UBE2E1: variants seen among roughly 807,000 people sequenced by gnomAD.
UBE2E1 encodes ubiquitin conjugating enzyme E2 E1.
In UBE2E1, 6 loss-of-function variants were observed where a neutral mutation model predicts 21.4. That is an observed-to-expected ratio of 0.28 (90% CI 0.15 to 0.55). The LOEUF (loss-of-function observed/expected upper bound fraction) is 0.55, where lower values mean the gene tolerates loss of function less well. Ranked by LOEUF, UBE2E1 falls within the 20% of genes least tolerant of loss-of-function variation. The probability of loss-of-function intolerance (pLI) is 0.93; values close to 1 mark genes in which losing one functional copy is unlikely to be tolerated. For synonymous variants in UBE2E1, 87 were observed against 82.7 expected (o/e 1.05, Z -0.28); for missense variants, 142 against 236.5 (o/e 0.60, Z 2.62).
Position 23,887,368 on chromosome 3 carries a change from A to G in UBE2E1, c.204-199A>G, listed in dbSNP as rs1398696742. Reference sequence around the variant, plus strand: ...TAGGTAGGCTTAGAATGGTTTTAACATTCTTTTATCATCCAGTTTGCTTGA... The same window carrying G: ...TAGGTAGGCTTAGAATGGTTTTAACGTTCTTTTATCATCCAGTTTGCTTGA... On this transcript the variant is annotated intron_variant, in intron 3 of 5. Coordinates refer to ENST00000306627, the MANE Select transcript of UBE2E1 (RefSeq NM_003341.5). This position sits in a 1 kb window ranked among gnomAD's most constrained non-coding sequence, Gnocchi z 4.4. Among the ~76,000 whole-genome samples the G allele has an allele frequency of 6.6e-6, 1 of 152,208 alleles. No homozygotes were observed. The highest frequency in any genetic ancestry group is 2.4e-5 in the African/African-American group (1 of 41,452).
rs564900410 is a variant in UBE2E1, at chr3:23,831,946, T to TGCCTCC, written c.203+20449_203+20454dup. 5.4e-3 allele frequency among the ~76,000 whole-genome samples: 829 copies of TGCCTCC among 152,306 alleles called. 7 individuals are homozygous for TGCCTCC. Among genetic ancestry groups the TGCCTCC allele is most frequent in the African/African-American group, 0.019 (806 of 41,556 alleles). Reference sequence around the variant, plus strand: ...CCTGACTGAGCTCAGGTGATTCGCCTGCCTCCGCCTCCGCCTCCCAAAGTG... The same window carrying TGCCTCC: ...CCTGACTGAGCTCAGGTGATTCGCCTGCCTCCGCCTCCGCCTCCGCCTCCCAAAGTG... On this transcript the variant is annotated intron_variant, in intron 3 of 5. Coordinates refer to ENST00000306627, the MANE Select transcript of UBE2E1 (RefSeq NM_003341.5).
At chr3:23,885,454 A>AT (rs1441216750) in intron 3 of UBE2E1, among the ~76,000 whole-genome samples, 1 of 152,232 alleles carries the variant, frequency 6.6e-6, no homozygotes, top group African/African-American at 2.4e-5. Flanking sequence ...GAGAGGGCTG[A>AT]TTAAGAGCTC....
At chr3:23,872,337 C>T (rs540978207) in intron 3 of UBE2E1, among the ~76,000 whole-genome samples, 7 of 148,680 alleles carry the variant, frequency 4.7e-5, no homozygotes, top group Non-Finnish European at 7.4e-5. Flanking sequence ...AGTCCAGCTT[C>T]GGCTCGGCAT....
intron 3 of UBE2E1, among the ~76,000 whole-genome samples, chr3:23,885,095 T>G (rs1166941015): frequency 3.3e-5 from 5 of 152,224 alleles, no homozygotes; most frequent in Admixed American, 3.3e-4. Context: ...GAGATCAAGG[T>G]GCTGGCAGCT....
chr3:23,878,661 TTGTGAACTGCTCA>T (rs1700972787), intron 3 of UBE2E1, among the ~76,000 whole-genome samples: 3 of 152,194 alleles, frequency 2.0e-5, no homozygotes, highest in African/African-American at 4.8e-5. Flanking sequence ...GCAAACCCTA[TTGTGAACTGCTCA>T]TGTGAGGGAT....
At chr3:23,826,214 T>C (rs964185348) in intron 3 of UBE2E1, among the ~76,000 whole-genome samples, 2 of 152,212 alleles carry the variant, frequency 1.3e-5, no homozygotes, top group African/African-American at 4.8e-5. Context: ...AATTTAGACA[T>C]TTTGCAAAAA....
Position 23,820,258 on chromosome 3 carries a change from CTTCTAATCCTCT to C in UBE2E1, c.203+8749_203+8760del, listed in dbSNP as rs1699618717. Among the ~76,000 whole-genome samples the C allele has an allele frequency of 1.3e-5, 2 of 152,206 alleles. 1 individual carries two copies. The highest frequency in any genetic ancestry group is 1.3e-4 in the Admixed American group (2 of 15,284). ...ACCTAGTAACTGGTGTCAGAATATG[CTTCTAATCCTCT>C]GGGAAACCTCCTCCTTTATAGGCTA... On this transcript the variant is annotated intron_variant, in intron 3 of 5. Transcript: ENST00000306627.
At position 23,887,434 on chromosome 3, in the gene UBE2E1, G is replaced by A. The variant is rs1559496393; in HGVS notation, c.204-133G>A. 2.4e-6 allele frequency: 3 copies of A among 1,251,066 alleles called. No individual in the cohort carries two copies. Among genetic ancestry groups the A allele is most frequent in the South Asian group, 1.8e-5 (1 of 54,634 alleles). The allele number at this position is 1,251,066 out of a possible 1,614,324, so 77.5% of individuals were successfully genotyped here. On this transcript the variant is annotated intron_variant, in intron 3 of 5. Coordinates refer to ENST00000306627, the MANE Select transcript of UBE2E1 (RefSeq NM_003341.5). The surrounding 1 kb of genome is among the most constrained non-coding windows in gnomAD (Gnocchi z 4.4). Reference sequence around the variant, plus strand: ...TTGTTGCAGTTCTGCATCCGTTTCTGTACTTGTTTTGTAAAGAGAATCCAC... The same window carrying A: ...TTGTTGCAGTTCTGCATCCGTTTCTATACTTGTTTTGTAAAGAGAATCCAC...
At chr3:23,860,766 C>G (rs1700537849) in intron 3 of UBE2E1, among the ~76,000 whole-genome samples, 1 of 152,104 alleles carries the variant, frequency 6.6e-6, no homozygotes. Flanking sequence ...TTTTTAACTT[C>G]TTGAAATAAA....
At chr3:23,855,132 A>G (rs1375132467) in intron 3 of UBE2E1, among the ~76,000 whole-genome samples, 5 of 152,242 alleles carry the variant, frequency 3.3e-5, no homozygotes, top group Non-Finnish European at 7.3e-5. Flanking sequence ...TGGTGAAATT[A>G]AAACATTTAT....
Position 23,887,508 on chromosome 3 carries a change from A to G in UBE2E1, c.204-59A>G. ...AGGTAATCTTTCCATCTCTTTTAAT[A>G]CACTGTAAAAATTGGGATAGTGCCA... On this transcript the variant is annotated intron_variant, in intron 3 of 5. Coordinates refer to ENST00000306627, the MANE Select transcript of UBE2E1 (RefSeq NM_003341.5). The surrounding 1 kb of genome is among the most constrained non-coding windows in gnomAD (Gnocchi z 4.4). 2 of 1,562,152 alleles carry G rather than the reference A, an allele frequency of 1.3e-6. No individual in the cohort carries two copies. The highest frequency in any genetic ancestry group is 1.7e-6 in the Non-Finnish European group (2 of 1,159,722).
chr3:23,855,200 T>G (rs1700408373), intron 3 of UBE2E1, among the ~76,000 whole-genome samples: 1 of 152,056 alleles, frequency 6.6e-6, no homozygotes, highest in Admixed American at 6.6e-5. Context: ...TTCCTTCTTA[T>G]TGGTTAACTA....
chr3:23,888,179 A>G (rs1012914755), intron 4 of UBE2E1: 14 of 455,866 alleles, frequency 3.1e-5, no homozygotes, highest in African/African-American at 2.2e-4. Context: ...ATCTCTTCCC[A>G]AAGCTTTGGA....
At chr3:23,875,717 T>TC (rs1700900134) in intron 3 of UBE2E1, among the ~76,000 whole-genome samples, 1 of 152,078 alleles carries the variant, frequency 6.6e-6, no homozygotes, top group Admixed American at 6.5e-5. Flanking sequence ...GGAAGATATA[T>TC]CCCCTATTTA....
intron 3 of UBE2E1, among the ~76,000 whole-genome samples, chr3:23,819,128 CAA>C (rs1559476007): frequency 6.6e-6 from 1 of 151,640 alleles, no homozygotes; most frequent in African/African-American, 2.4e-5. Context: ...ATTAAAAATC[CAA>C]AAAATTAGCC....
intron 3 of UBE2E1, among the ~76,000 whole-genome samples, chr3:23,832,975 A>T (rs1699901002): frequency 6.6e-6 from 1 of 152,206 alleles, no homozygotes; most frequent in Admixed American, 6.5e-5. Flanking sequence ...TTGATGCTGC[A>T]GTGAGCTGTG....
chr3:23,887,440 G>C lies in UBE2E1; in HGVS notation c.204-127G>C. The C allele has an allele frequency of 7.7e-7, 1 of 1,304,404 alleles. No homozygotes were observed. The highest frequency in any genetic ancestry group is 1.8e-5 in the South Asian group (1 of 55,834). The allele number at this position is 1,304,404 out of a possible 1,614,324, so 80.8% of individuals were successfully genotyped here. On this transcript the variant is annotated intron_variant, in intron 3 of 5. Coordinates refer to ENST00000306627, the MANE Select transcript of UBE2E1 (RefSeq NM_003341.5). The surrounding 1 kb of genome is among the most constrained non-coding windows in gnomAD (Gnocchi z 4.4). ...CAGTTCTGCATCCGTTTCTGTACTT[G>C]TTTTGTAAAGAGAATCCACACAGTA...
chr3:23,866,666 T>A (rs1700664378), intron 3 of UBE2E1, among the ~76,000 whole-genome samples: 1 of 109,242 alleles, frequency 9.2e-6, no homozygotes, highest in South Asian at 3.1e-4. Context: ...TTTGGAGTTG[T>A]CACATTATTA....
In UBE2E1 at chr3:23,842,246, T is replaced by TGTGTGTGTGTGTGTGTGTG. The variant is rs759418034; in HGVS notation, c.203+30739_203+30740insTGTGTGTGTGTGTGTGGTG. ...GTGTGTGTGTGTGTGTGTGTGTGTG[T>TGTGTGTGTGTGTGTGTGTG]GTGGTGTTGTTGTTGTTGGCGACAG... On this transcript the variant is annotated intron_variant, in intron 3 of 5. Transcript: ENST00000306627. This position sits in a 1 kb window ranked among gnomAD's most constrained non-coding sequence, Gnocchi z 4.6. Among the ~76,000 whole-genome samples, 30 of 36,750 alleles carry TGTGTGTGTGTGTGTGTGTG rather than the reference T, an allele frequency of 8.2e-4. 1 individual carries two copies. The highest frequency in any genetic ancestry group is 2.1e-3 in the East Asian group (5 of 2,412). 24.1% of individuals were successfully genotyped at this position (36,750 alleles called of 152,430 possible). A position where few individuals can be genotyped will look rare whatever the true frequency, so the allele number is the denominator to read the frequency against.
Sources: gnomAD v4.1 joint callset for allele counts (sites outside exome capture counted in the v4.1 genomes callset) on GRCh38, gnomAD v4.1.1 for gene constraint, Gnocchi (gnomAD v3.1) non-coding constraint, MANE v1.5 for transcripts, NCBI Gene and HGNC (gene_info 2026-07-23, HGNC 2026-07-21) for gene names.